MCM4: variants seen among roughly 807,000 people sequenced by gnomAD.
MCM4 encodes the protein DNA replication licensing factor MCM4.
MCM4 carries 60 observed loss-of-function variants against 88.7 expected under a neutral mutation model. The observed-to-expected ratio is 0.68, with a 90% CI of 0.55 to 0.84. The LOEUF (loss-of-function observed/expected upper bound fraction) is 0.84, where lower values mean the gene tolerates loss of function less well. Ranked by LOEUF, MCM4 falls within the 40% of genes least tolerant of loss-of-function variation. The pLI, the probability that MCM4 is intolerant of heterozygous loss-of-function variation, is 0.00. For synonymous variants in MCM4, 465 were observed against 410.5 expected, an observed-to-expected ratio of 1.13 and a Z score of -1.61; for missense variants, 1,149 against 1,105.5, an observed-to-expected ratio of 1.04 and a Z score of -0.56.
At chr8:47,975,460 G>T (rs780835975) in intron 15 of MCM4, 5 of 257,346 alleles carry the variant, frequency 1.9e-5, no homozygotes, top group Non-Finnish European at 3.6e-5. Flanking sequence ...GGGAAGTTTT[G>T]TTAACCCATT....
In MCM4 at chr8:47,974,838, A is replaced by T. The variant is rs756064347; in HGVS notation, c.2241A>T (p.Val747=). 1 of 1,614,242 alleles carries T rather than the reference A, an allele frequency of 6.2e-7. No individual in the cohort carries two copies. The highest frequency in any genetic ancestry group is 8.5e-7 in the Non-Finnish European group (1 of 1,180,046). ...GCTTAGCAGAAGCCCATGCTAAAGTAAGATTGTCTAACAAAGTTGAAGCCA... is the reference window on the plus strand; with the variant it reads ...GCTTAGCAGAAGCCCATGCTAAAGTTAGATTGTCTAACAAAGTTGAAGCCA... The part of the protein sequence containing the change: ...LIRLAEAHAK[V]RLSNKVEAID... The change falls in exon 15 of 17, where the codon GTA becomes GTT. Residue 747 remains valine (V), a synonymous_variant. Transcript: ENST00000649973.
At chr8:47,976,252 C>A (rs1009717684) in intron 16 of MCM4, among the ~76,000 whole-genome samples, 1 of 149,602 alleles carries the variant, frequency 6.7e-6, no homozygotes, top group Non-Finnish European at 1.5e-5. Context: ...GAGATCCCAC[C>A]ATTGCTCTCC....
At chr8:47,962,736 C>T (rs1356518418) in intron 5 of MCM4, 28 bp from the exon 6 acceptor site, 2 of 1,371,826 alleles carry the variant, frequency 1.5e-6, no homozygotes, top group Admixed American at 3.9e-5. Context: ...ATGCTATATG[C>T]CTAATACAGT....
chr8:47,962,468 T>C, intron 5 of MCM4, 62 bp downstream of exon 5: 1 of 1,515,578 alleles, frequency 6.6e-7, no homozygotes, highest in Non-Finnish European at 9.1e-7. Flanking sequence ...ACCGTGTTTA[T>C]AATCTATATC....
chr8:47,976,575 C>G, intron 16 of MCM4, 111 bp from the exon 17 acceptor site: 2 of 739,794 alleles, frequency 2.7e-6, no homozygotes, highest in Non-Finnish European at 4.5e-6. Flanking sequence ...GTACAGCCAC[C>G]AAAAAGAGAA....
In MCM4 at chr8:47,974,812, C is replaced by T. The variant is rs933097090; in HGVS notation, c.2215C>T (p.Arg739Cys). 3.7e-6 allele frequency: 6 copies of T among 1,614,180 alleles called. No individual in the cohort carries two copies. Among genetic ancestry groups the T allele is most frequent in the Admixed American group, 1.7e-5 (1 of 60,026 alleles). ...AYPRQLESLI[R>C]LAEAHAKVRL... Reference sequence around the variant, plus strand: ...CCCTCGACAGCTAGAGTCATTAATCCGCTTAGCAGAAGCCCATGCTAAAGT... The same window carrying T: ...CCCTCGACAGCTAGAGTCATTAATCTGCTTAGCAGAAGCCCATGCTAAAGT... Residue 739 changes from arginine to cysteine, a missense_variant, in exon 15 of 17, where the codon CGC (arginine) becomes TGC (cysteine). Coordinates refer to ENST00000649973, the MANE Select transcript of MCM4 (RefSeq NM_182746.3).
intron 13 of MCM4, among the ~76,000 whole-genome samples, chr8:47,972,638 C>A (rs2090964763): frequency 6.6e-6 from 1 of 152,030 alleles, no homozygotes; most frequent in South Asian, 2.1e-4. Context: ...CTCACCGCAA[C>A]CTTCGCCTTC....
At chr8:47,971,591 T>G in intron 13 of MCM4, 123 bp downstream of exon 13, 3 of 1,113,640 alleles carry the variant, frequency 2.7e-6, no homozygotes, top group Non-Finnish European at 3.8e-6. Context: ...TGTTTCAAAT[T>G]TGGTTGGTCA....
chr8:47,961,800 C>T, intron 3 of MCM4, 120 bp downstream of exon 3: 2 of 1,296,200 alleles, frequency 1.5e-6, no homozygotes, highest in South Asian at 1.4e-5. Context: ...CTGCACGTGA[C>T]TGAGCATGTT....
Position 47,976,824 on chromosome 8 carries a change from C to G in MCM4, c.*46C>G. 4 of 1,223,878 alleles carry G rather than the reference C, an allele frequency of 3.3e-6. No homozygotes were observed. Among genetic ancestry groups the G allele is most frequent in the Non-Finnish European group, 4.8e-6 (4 of 826,194 alleles). 75.8% of individuals were successfully genotyped at this position (1,223,878 alleles called of 1,614,324 possible). ...CTCCCTGCATGTCCTGCTTGCTGCACGCCACATGGGTGTGGTCTGCATCTC... is the reference window on the plus strand; with the variant it reads ...CTCCCTGCATGTCCTGCTTGCTGCAGGCCACATGGGTGTGGTCTGCATCTC... On this transcript the variant is annotated 3_prime_UTR_variant, in exon 17 of 17. Transcript: ENST00000649973.
chr8:47,975,375 T>A (rs2090992685), intron 15 of MCM4: 1 of 142,434 alleles, frequency 7.0e-6, no homozygotes, highest in Non-Finnish European at 1.4e-5. Flanking sequence ...TTCCCCTTCC[T>A]GTGTCCGTGT....
Position 47,962,383 on chromosome 8 carries a change from G to A in MCM4, c.478G>A (p.Ala160Thr), listed in dbSNP as rs779787203. Reference protein sequence around the residue: ...LVIWGTDVNVAACKENFQRFL... With the variant: ...LVIWGTDVNVTACKENFQRFL... ...GATCTGGGGAACAGATGTAAATGTG[G>A]CAGCATGCAAAGAAAACTTTCAGGT... is the stretch of plus-strand genomic sequence containing the variant. Residue 160 changes from alanine (A) to threonine (T), a missense_variant, in exon 5 of 17, where the codon GCA becomes ACA. Ala to Thr is a moderately conservative substitution (Grantham distance 58). Coordinates refer to ENST00000649973, the MANE Select transcript of MCM4 (RefSeq NM_182746.3). The A allele has an allele frequency of 1.2e-6, 2 of 1,614,218 alleles. No homozygotes were observed. The highest frequency in any genetic ancestry group is 1.7e-6 in the Non-Finnish European group (2 of 1,180,040).
Position 47,970,645 on chromosome 8 carries a change from G to A in MCM4, c.1569G>A (p.Val523=), listed in dbSNP as rs765660789. 2.0e-4 allele frequency: 326 copies of A among 1,614,050 alleles called. No homozygotes were observed. In the Admixed American group the frequency reaches 5.4e-3, roughly 27 times the overall value. The change falls in exon 12 of 17, where the codon GTG becomes GTA. Residue 523 remains valine (V), a synonymous_variant. Transcript: ENST00000649973. ...GCAAGTCCCAGCTGCTGCAGTACGTGTACAACCTCGTCCCCAGGGGCCAGT... is the reference window on the plus strand; with the variant it reads ...GCAAGTCCCAGCTGCTGCAGTACGTATACAACCTCGTCCCCAGGGGCCAGT... ...GTSKSQLLQY[V]YNLVPRGQYT...
chr8:47,961,126 C>T lies in MCM4; in HGVS notation c.-14-5C>T. ...GCCCGGCCCGAGCTTGTCCTTGTCG[C>T]GCAGGTACTCCGAGCACTATGTCGT... On this transcript the variant is annotated splice_polypyrimidine_tract_variant and splice_region_variant and intron_variant, in intron 1 of 16. Coordinates refer to ENST00000649973, the MANE Select transcript of MCM4 (RefSeq NM_182746.3). The T allele has an allele frequency of 6.5e-7, 1 of 1,549,162 alleles. No homozygotes were observed. The highest frequency in any genetic ancestry group is 1.7e-4 in the Middle Eastern group (1 of 5,872).
chr8:47,970,153 A>G, intron 11 of MCM4, 96 bp downstream of exon 11: 2 of 1,411,080 alleles, frequency 1.4e-6, no homozygotes, highest in Non-Finnish European at 1.9e-6. Flanking sequence ...TCCGCCATAA[A>G]GGACAGAGTT....
At chr8:47,963,105 C>A in intron 7 of MCM4, 65 bp downstream of exon 7, 1 of 961,382 alleles carries the variant, frequency 1.0e-6, no homozygotes, top group Non-Finnish European at 1.6e-6. Context: ...TTCCAGATAA[C>A]AGAAATTCTT....
At chr8:47,970,136 C>G (rs892705450) in intron 11 of MCM4, 79 bp downstream of exon 11, 2 of 1,481,020 alleles carry the variant, frequency 1.4e-6, no homozygotes, top group African/African-American at 1.4e-5. Flanking sequence ...CTCCGCCACT[C>G]GAGCCATCCG....
In MCM4 at chr8:47,970,492, C is replaced by T; in HGVS notation, c.1435-19C>T. 1 of 1,579,308 alleles carries T rather than the reference C, an allele frequency of 6.3e-7. No homozygotes were observed. Among genetic ancestry groups the T allele is most frequent in the Non-Finnish European group, 8.6e-7 (1 of 1,158,664 alleles). On this transcript the variant is annotated intron_variant, in intron 11 of 16. Transcript: ENST00000649973. ...ACTGTGCAGAAAATGAATGTTTAGA[C>T]ATGTCTCTGATTATTTAGGGAATTT...
rs368932505 is a variant in MCM4 at position 47,976,739 on chromosome 8, T to C, written c.2553T>C (p.Asp851=). ...EEALRALADD[D]FLTVTGKTVR... is the part of the protein sequence containing the mutation. ...CACTGCGTGCCCTGGCAGATGATGA[T>C]TTCCTGACAGTGACTGGGAAGACCG... Residue 851 remains aspartate, a synonymous_variant, in exon 17 of 17, where the codon GAT becomes GAC. Transcript: ENST00000649973. 1.9e-6 allele frequency: 3 copies of C among 1,613,646 alleles called. No individual in the cohort carries two copies. Among genetic ancestry groups the C allele is most frequent in the Non-Finnish European group, 2.5e-6 (3 of 1,179,662 alleles).
Sources: gnomAD v4.1 joint callset for allele counts (sites outside exome capture counted in the v4.1 genomes callset) on GRCh38, gnomAD v4.1.1 for gene constraint, MANE v1.5 for transcripts, NCBI Gene and HGNC (gene_info 2026-07-23, HGNC 2026-07-21) for gene names.